PCDHA10: variants seen among roughly 807,000 people sequenced by gnomAD.
PCDHA10 encodes the protein protocadherin alpha 10, also known as protocadherin alpha-10.
PCDHA10 carries 45 observed loss-of-function variants against 61.2 expected under a neutral mutation model. The observed-to-expected ratio is 0.74, with a 90% CI of 0.58 to 0.94. The LOEUF (loss-of-function observed/expected upper bound fraction) is 0.94, where lower values mean the gene tolerates loss of function less well. PCDHA10 is among the 40% of genes least tolerant of loss of function. PCDHA10 has a pLI of 0.00. For synonymous variants in PCDHA10, 602 were observed against 548.8 expected (o/e 1.10, Z -1.35); for missense variants, 1,278 against 1,236.2 (o/e 1.03, Z -0.51).
At chr5:140,992,416 C>T (rs3776107) in intron 3 of PCDHA10, among the ~76,000 whole-genome samples, 9,821 of 152,168 alleles carry the variant, frequency 0.065, 355 homozygotes, top group East Asian at 0.12. Context: ...TGCCCCAGGT[C>T]TAAGAATATT....
chr5:140,978,644 G>A (rs782602318), intron 1 of PCDHA10, among the ~76,000 whole-genome samples: 18 of 152,220 alleles, frequency 1.2e-4, no homozygotes, highest in Non-Finnish European at 1.9e-4. Context: ...AAAGCAGACT[G>A]TTCTTCCCGT....
chr5:140,915,458 G>T (rs1172885235), intron 1 of PCDHA10, among the ~76,000 whole-genome samples: 11 of 152,126 alleles, frequency 7.2e-5, no homozygotes, highest in African/African-American at 2.2e-4. Flanking sequence ...TTTCCAGAAG[G>T]TTTTTATTTG....
intron 1 of PCDHA10, chr5:140,883,816 G>A (rs1217152310): frequency 1.9e-6 from 3 of 1,612,522 alleles, no homozygotes; most frequent in Non-Finnish European, 2.5e-6. Context: ...AGAGCGGCAA[G>A]GTGTACGCGC....
chr5:141,001,461 C>G (rs2098019350), intron 3 of PCDHA10, among the ~76,000 whole-genome samples: 1 of 152,214 alleles, frequency 6.6e-6, no homozygotes, highest in South Asian at 2.1e-4. Context: ...AATTGAAGGA[C>G]TAAGCAGCAG....
intron 3 of PCDHA10, among the ~76,000 whole-genome samples, chr5:141,008,171 G>A (rs1441350888): frequency 6.6e-6 from 1 of 152,148 alleles, no homozygotes; most frequent in African/African-American, 2.4e-5. Flanking sequence ...GGACTAAAAT[G>A]TGACCATTGA....
intron 1 of PCDHA10, chr5:140,927,277 G>A (rs1554204290): frequency 6.2e-7 from 1 of 1,614,016 alleles, no homozygotes; most frequent in Non-Finnish European, 8.5e-7. Context: ...TGCCGGCGAC[G>A]TGCAGCTGCA....
Position 141,009,928 on chromosome 5 carries a change from T to C in PCDHA10, c.2838T>C (p.Ser946=), listed in dbSNP as rs373891102. The change falls in exon 4 of 4, where the codon AGT becomes AGC. Residue 946 remains serine (S), a synonymous_variant. Transcript: ENST00000307360. The stretch of plus-strand genomic sequence containing the variant: ...AAGGGAACAGCACGACTGACAACAG[T>C]GACCAGTGAGGTCCTCAAATGGAAA... ...KEKGNSTTDN[S]DQ is the part of the protein sequence containing the mutation. 3 of 1,607,808 alleles carry C rather than the reference T, an allele frequency of 1.9e-6. No homozygotes were observed. The highest frequency in any genetic ancestry group is 2.5e-6 in the Non-Finnish European group (3 of 1,178,138).
rs192388233 is a variant in PCDHA10 at position 140,869,206 on chromosome 5, G to C, written c.2388+10770G>C. 4,858 of 1,613,972 alleles carry C rather than the reference G, an allele frequency of 3.0e-3. 14 individuals carry two copies. The highest frequency in any genetic ancestry group is 3.0e-3 in the Non-Finnish European group (3,497 of 1,179,950). On this transcript the variant is annotated intron_variant, in intron 1 of 3. Transcript: ENST00000307360. ...GGGGAGCGGCCAGCTCCACTACTCC[G>C]TCTCGGAGGAGGCCAAACACGGCAC...
At chr5:140,899,704 T>C (rs2067500536) in intron 1 of PCDHA10, among the ~76,000 whole-genome samples, 1 of 152,242 alleles carries the variant, frequency 6.6e-6, no homozygotes, top group Non-Finnish European at 1.5e-5. Context: ...TAAAATGAGT[T>C]AGGGAGGATT....
intron 1 of PCDHA10, among the ~76,000 whole-genome samples, chr5:140,941,202 C>T (rs246071): frequency 0.094 from 11,551 of 122,542 alleles, 708 homozygotes; most frequent in Admixed American, 0.12. Context: ...TTTCTTTCTT[C>T]CTTTCTTTCT....
chr5:140,967,192 C>T (rs2096111456), intron 1 of PCDHA10: 1 of 1,613,408 alleles, frequency 6.2e-7, no homozygotes, highest in South Asian at 1.1e-5. Context: ...TGGACATCAA[C>T]GACAACTCAC....
intron 1 of PCDHA10, chr5:140,860,474 TA>T (rs1293657242): frequency 6.6e-6 from 1 of 152,154 alleles, no homozygotes; most frequent in African/African-American, 2.4e-5. Context: ...GTTGGTGCAG[TA>T]GTACTTTATT....
At chr5:140,911,474 C>T (rs782702993) in intron 1 of PCDHA10, among the ~76,000 whole-genome samples, 45 of 152,144 alleles carry the variant, frequency 3.0e-4, no homozygotes, top group Non-Finnish European at 2.8e-4. Flanking sequence ...ATAAGACTCT[C>T]ACTCAGGGCA....
chr5:140,927,843 C>G, intron 1 of PCDHA10: 2 of 1,614,186 alleles, frequency 1.2e-6, no homozygotes, highest in Non-Finnish European at 1.7e-6. Flanking sequence ...ACGAAGGTGT[C>G]TTTGGTTTAG....
chr5:140,954,845 C>T (rs1479368081), intron 1 of PCDHA10, among the ~76,000 whole-genome samples: 2 of 152,140 alleles, frequency 1.3e-5, no homozygotes, highest in African/African-American at 4.8e-5. Context: ...AAATCTTTGC[C>T]TGTGCCTATG....
chr5:140,892,461 G>A lies in PCDHA10; in HGVS notation c.2388+34025G>A, dbSNP rs187904355. On this transcript the variant is annotated intron_variant, in intron 1 of 3. Coordinates refer to ENST00000307360, the MANE Select transcript of PCDHA10 (RefSeq NM_018901.4). ...AAATTTACATGTATTCTTTAAGTAC[G>A]GTTATTCAGTTTCCTAGCCAAACAT... 2.1e-3 allele frequency among the ~76,000 whole-genome samples: 317 copies of A among 152,150 alleles called. 1 individual carries two copies. Among genetic ancestry groups the A allele is most frequent in the Non-Finnish European group, 3.5e-3 (237 of 68,004 alleles).
chr5:140,869,786 T>C lies in PCDHA10; in HGVS notation c.2388+11350T>C, dbSNP rs1554163459. On this transcript the variant is annotated intron_variant, in intron 1 of 3. Transcript: ENST00000307360. ...CCAGAGCTTACTGGCACCGTTCGGC[T>C]GTTAGTCCAAGTCTTGGATGTCAAC... 1.9e-6 allele frequency: 3 copies of C among 1,612,992 alleles called. No homozygotes were observed. The East Asian group carries it at 6.7e-5, about 36-fold the overall frequency.
At chr5:140,992,950 C>T (rs1435932636) in intron 3 of PCDHA10, among the ~76,000 whole-genome samples, 1 of 152,216 alleles carries the variant, frequency 6.6e-6, no homozygotes, top group East Asian at 1.9e-4. Context: ...GAGATTAAAT[C>T]ACCCCTTATA....
At chr5:141,008,712 T>G (rs1554261909) in intron 3 of PCDHA10, among the ~76,000 whole-genome samples, 1 of 152,210 alleles carries the variant, frequency 6.6e-6, no homozygotes, top group Non-Finnish European at 1.5e-5. Flanking sequence ...TCTAGTTGCT[T>G]GAGTGTATGT....
Sources: gnomAD v4.1 joint callset for allele counts (sites outside exome capture counted in the v4.1 genomes callset) on GRCh38, gnomAD v4.1.1 for gene constraint, MANE v1.5 for transcripts, NCBI Gene and HGNC (gene_info 2026-07-23, HGNC 2026-07-21) for gene names.